Variants in PARVB observed in about 807,000 individuals in gnomAD.
PARVB encodes the protein beta-parvin.
In PARVB, 46 loss-of-function variants were observed where a neutral mutation model predicts 47.0. That is an observed-to-expected ratio of 0.98 (90% confidence interval 0.77 to 1.25). The LOEUF is 1.25. PARVB is among the 50% of genes most tolerant of loss of function. The pLI, the probability that PARVB is intolerant of heterozygous loss-of-function variation, is 0.00. For synonymous variants in PARVB, 196 were observed against 196.3 expected (o/e 1.00, Z 0.01); for missense variants, 473 against 471.6 (o/e 1.00, Z -0.03).
intron 1 of PARVB, among the ~76,000 whole-genome samples, chr22:44,064,202 C>T (rs1032503014): frequency 5.3e-5 from 8 of 152,190 alleles, no homozygotes; most frequent in Middle Eastern, 3.2e-3. Flanking sequence ...CACCAGCCCT[C>T]GGTGCAGCCA....
At chr22:44,031,510 A>T (rs2050826437) in intron 1 of PARVB, 1 of 151,114 alleles carries the variant, frequency 6.6e-6, no homozygotes, top group South Asian at 2.1e-4. Context: ...TAGAAAAGGT[A>T]AAGGCACTGC....
Position 44,069,084 on chromosome 22 carries a change from G to C in PARVB, c.113-24844G>C, listed in dbSNP as rs955530189. 6.2e-6 allele frequency: 10 copies of C among 1,607,972 alleles called. No individual in the cohort carries two copies. In the Admixed American group the frequency reaches 1.0e-4, roughly 16 times the overall value. ...CCCTGCCACGTCCCTATATGAACGG[G>C]GTGTGTGCCCGCCTGCCCTCCGACG... On this transcript the variant is annotated intron_variant, in intron 1 of 12. Transcript: ENST00000338758.
chr22:44,123,755 T>C (rs547353772), intron 4 of PARVB, among the ~76,000 whole-genome samples: 11 of 151,836 alleles, frequency 7.2e-5, no homozygotes, highest in Non-Finnish European at 1.5e-4. Flanking sequence ...GGTCTTGAAC[T>C]CCTGGGCTCA....
chr22:44,059,178 G>A (rs1024661832), intron 1 of PARVB, among the ~76,000 whole-genome samples: 14 of 151,276 alleles, frequency 9.3e-5, no homozygotes, highest in African/African-American at 2.9e-4. Context: ...CCTGAATAGC[G>A]GGCATTACAG....
Position 44,081,685 on chromosome 22 carries a change from G to A in PARVB, c.113-12243G>A, listed in dbSNP as rs149873015. The A allele has an allele frequency of 9.1e-4, 837 of 920,834 alleles. 4 individuals carry two copies. In the African/African-American group the frequency reaches 0.014, roughly 15 times the overall value. The allele number at this position is 920,834 out of a possible 1,614,324, so 57.0% of individuals were successfully genotyped here. On this transcript the variant is annotated intron_variant, in intron 1 of 12. Coordinates refer to ENST00000338758, the MANE Select transcript of PARVB (RefSeq NM_013327.5). ...TCGTCTGTTGCTGGAAGTGAGCAGC[G>A]GGTTCCATTGCCCCCCGCCTCGGTG...
At chr22:44,063,236 T>C (rs916922922) in intron 1 of PARVB, among the ~76,000 whole-genome samples, 13 of 151,602 alleles carry the variant, frequency 8.6e-5, no homozygotes, top group Non-Finnish European at 1.6e-4. Context: ...CTTTTCTTTT[T>C]TTTTTTTTGA....
chr22:44,101,742 C>G (rs1174507883), intron 3 of PARVB, among the ~76,000 whole-genome samples: 1 of 148,308 alleles, frequency 6.7e-6, no homozygotes, highest in Non-Finnish European at 1.5e-5. Context: ...GAGTAAAACT[C>G]CATCTCACAG....
At chr22:44,087,852 T>G (rs1381723598) in intron 1 of PARVB, among the ~76,000 whole-genome samples, 3 of 150,896 alleles carry the variant, frequency 2.0e-5, no homozygotes, top group Non-Finnish European at 4.4e-5. Context: ...TGGTGTTTTT[T>G]TTTTTTTTTT....
At chr22:44,145,658 C>T (rs2053647809) in intron 8 of PARVB, 1 of 152,310 alleles carries the variant, frequency 6.6e-6, no homozygotes, top group Non-Finnish European at 1.5e-5. Context: ...ATTTTCAGAG[C>T]CCCTGGCCCC....
intron 3 of PARVB, chr22:44,105,444 T>G (rs748460497): frequency 5.9e-5 from 9 of 152,248 alleles, no homozygotes; most frequent in Non-Finnish European, 1.3e-4. Flanking sequence ...TTCTTTCAGT[T>G]TTCTCTCAAT....
chr22:44,130,504 G>A (rs1291061517), intron 4 of PARVB, among the ~76,000 whole-genome samples: 1 of 152,212 alleles, frequency 6.6e-6, no homozygotes, highest in East Asian at 1.9e-4. Flanking sequence ...GACAGTTCTT[G>A]TCTGTGCTCC....
At chr22:44,091,274 C>CTTTTTTTT (rs3083368) in intron 1 of PARVB, among the ~76,000 whole-genome samples, 4 of 90,750 alleles carry the variant, frequency 4.4e-5, no homozygotes, top group Non-Finnish European at 9.1e-5. Context: ...AGAGGGCCTG[C>CTTTTTTTT]TTTTTTTTTT....
At chr22:44,140,173 G>T in intron 8 of PARVB, 30 bp downstream of exon 8, 1 of 1,602,450 alleles carries the variant, frequency 6.2e-7, no homozygotes, top group Non-Finnish European at 8.5e-7. Flanking sequence ...GTGGGGAGAT[G>T]GAGGCATGTT....
rs1333725115 is a variant in PARVB at position 44,170,283 on chromosome 22, G to A, written c.*1605G>A. ...CCCAAAGTGCTGGGATTATAGGCATGAGCGGACATGCCCAGCCTGCACCCC... is the reference window on the plus strand; with the variant it reads ...CCCAAAGTGCTGGGATTATAGGCATAAGCGGACATGCCCAGCCTGCACCCC... On this transcript the variant is annotated 3_prime_UTR_variant, in exon 13 of 13. Transcript: ENST00000338758. The A allele has an allele frequency of 2.0e-5, 3 of 152,128 alleles. No homozygotes were observed. The highest frequency in any genetic ancestry group is 4.8e-5 in the African/African-American group (2 of 41,430). The allele number at this position is 152,128 out of a possible 1,614,324, so 9.4% of individuals were successfully genotyped here.
At chr22:44,162,484 G>T (rs1167495362) in intron 11 of PARVB, among the ~76,000 whole-genome samples, 1 of 150,190 alleles carries the variant, frequency 6.7e-6, no homozygotes, top group Non-Finnish European at 1.5e-5. Flanking sequence ...ACCATGCCCG[G>T]CTAATTTTTG....
intron 10 of PARVB, chr22:44,152,529 C>T (rs1267697493): frequency 6.6e-6 from 1 of 152,314 alleles, no homozygotes; most frequent in African/African-American, 2.4e-5. Flanking sequence ...CACGCAGTTC[C>T]TCTGTCTAGA....
chr22:44,164,887 G>A (rs998360698), intron 12 of PARVB, among the ~76,000 whole-genome samples: 8 of 152,182 alleles, frequency 5.3e-5, no homozygotes, highest in African/African-American at 1.9e-4. Context: ...ACCGCTTCCT[G>A]CCAGTCCACG....
In PARVB at chr22:44,056,923, AGCTGGGGGCTGAGCTGGGGGTGG is replaced by A. The variant is rs1299627517; in HGVS notation, c.112+32473_112+32495del. Reference sequence around the variant, plus strand: ...CCCAGGGGTTAGAGGCTTGGGACCGAGCTGGGGGCTGAGCTGGGGGTGGAGCTGGGGGCTGAGCTGGGGGTGGA... The same window carrying A: ...CCCAGGGGTTAGAGGCTTGGGACCGAAGCTGGGGGCTGAGCTGGGGGTGGA... On this transcript the variant is annotated intron_variant, in intron 1 of 12. Coordinates refer to ENST00000338758, the MANE Select transcript of PARVB (RefSeq NM_013327.5). Among the ~76,000 whole-genome samples, 10 of 92,100 alleles carry A rather than the reference AGCTGGGGGCTGAGCTGGGGGTGG, an allele frequency of 1.1e-4. No individual in the cohort carries two copies. The East Asian group carries it at 2.9e-3, about 26-fold the overall frequency. 60.4% of individuals were successfully genotyped at this position (92,100 alleles called of 152,430 possible).
chr22:44,085,654 A>G (rs934595559), intron 1 of PARVB, among the ~76,000 whole-genome samples: 1 of 152,164 alleles, frequency 6.6e-6, no homozygotes, highest in Non-Finnish European at 1.5e-5. Flanking sequence ...TATGTATTGC[A>G]CTTAATTAAT....
Sources: gnomAD v4.1 joint callset for allele counts (sites outside exome capture counted in the v4.1 genomes callset) on GRCh38, gnomAD v4.1.1 for gene constraint, MANE v1.5 for transcripts, NCBI Gene and HGNC (gene_info 2026-07-23, HGNC 2026-07-21) for gene names.